The following CNNM2 variants were observed in gnomAD, a reference collection of about 807,000 sequenced individuals.
The protein encoded by CNNM2 is cyclin and CBS domain divalent metal cation transport mediator 2, also known as metal transporter CNNM2.
CNNM2 carries 12 observed loss-of-function variants against 66.9 expected under a neutral mutation model. That is an observed-to-expected ratio of 0.18 (90% CI 0.11 to 0.29). The LOEUF is 0.29. Ranked by LOEUF, CNNM2 falls within the 10% of genes least tolerant of loss-of-function variation. The probability of loss-of-function intolerance (pLI) is 1.00; values close to 1 mark genes in which losing one functional copy is unlikely to be tolerated. For synonymous variants in CNNM2, 557 were observed against 501.8 expected, an observed-to-expected ratio of 1.11 and a Z score of -1.47; for missense variants, 705 against 1,167.7, an observed-to-expected ratio of 0.60 and a Z score of 5.77.
rs1263016279 is a variant in CNNM2 at position 103,087,037 on chromosome 10, T to C, written c.*9857T>C. 6.6e-6 allele frequency: 1 copy of C among 151,454 alleles called. No homozygotes were observed. Among genetic ancestry groups the C allele is most frequent in the Non-Finnish European group, 1.5e-5 (1 of 67,952 alleles). The allele number at this position is 151,454 out of a possible 1,614,324, so 9.4% of individuals were successfully genotyped here. A position where few individuals can be genotyped will look rare whatever the true frequency, so the allele number is the denominator to read the frequency against. ...GTTCAGTCTAGCAACCAAGAAGGGG[T>C]TGCCTGGTGTTCTACAATGCCTATA... is the stretch of plus-strand genomic sequence containing the variant. On this transcript the variant is annotated 3_prime_UTR_variant, in exon 8 of 8. Transcript: ENST00000369878.
chr10:102,994,505 G>A (rs931077528), intron 1 of CNNM2, among the ~76,000 whole-genome samples: 6 of 152,320 alleles, frequency 3.9e-5, no homozygotes, highest in Middle Eastern at 3.4e-3. Flanking sequence ...AGGAACTTAC[G>A]TTCTAGAGGG....
At chr10:102,933,243 A>G (rs1288211724) in intron 1 of CNNM2, among the ~76,000 whole-genome samples, 1 of 152,228 alleles carries the variant, frequency 6.6e-6, no homozygotes. Flanking sequence ...TTAACAGTAC[A>G]AAGTCTTCCA....
chr10:103,012,957 G>A (rs149955716), intron 1 of CNNM2, among the ~76,000 whole-genome samples: 3 of 152,172 alleles, frequency 2.0e-5, no homozygotes, highest in African/African-American at 7.2e-5. Context: ...AGTACCATAT[G>A]AAATAAGTAA....
At chr10:102,969,885 C>T (rs977428806) in intron 1 of CNNM2, among the ~76,000 whole-genome samples, 10 of 149,190 alleles carry the variant, frequency 6.7e-5, no homozygotes, top group South Asian at 2.1e-4. Context: ...TCAGGTGATC[C>T]GCCCACCTCG....
intron 1 of CNNM2, among the ~76,000 whole-genome samples, chr10:103,049,388 A>G (rs2065180200): frequency 6.6e-6 from 1 of 152,204 alleles, no homozygotes. Context: ...ACCATGGACC[A>G]CACTTTGAGA....
At chr10:102,938,418 T>C (rs1273598600) in intron 1 of CNNM2, among the ~76,000 whole-genome samples, 1 of 150,558 alleles carries the variant, frequency 6.6e-6, no homozygotes, top group Non-Finnish European at 1.5e-5. Context: ...CACTCCAGCC[T>C]GGGTGACAGA....
At chr10:102,967,991 CAGTG>C (rs2063491371) in intron 1 of CNNM2, among the ~76,000 whole-genome samples, 1 of 152,194 alleles carries the variant, frequency 6.6e-6, no homozygotes, top group African/African-American at 2.4e-5. Context: ...CTGAGCGACA[CAGTG>C]AGACTCTGTC....
rs66498944 is a variant in CNNM2, at chr10:102,976,611, A to ATTT, written c.1621+56536_1621+56538dup. Reference sequence around the variant, plus strand: ...CAGGTGTGCGCCACACGCCCAGGTAATTTTTTTTTTTTTTTTTTTTTTTTT... The same window carrying ATTT: ...CAGGTGTGCGCCACACGCCCAGGTAATTTTTTTTTTTTTTTTTTTTTTTTTTTT... On this transcript the variant is annotated intron_variant, in intron 1 of 7. Coordinates refer to ENST00000369878, the MANE Select transcript of CNNM2 (RefSeq NM_017649.5). 0.028 allele frequency among the ~76,000 whole-genome samples: 1,643 copies of ATTT among 59,262 alleles called. 229 individuals are homozygous for ATTT. Among genetic ancestry groups the ATTT allele is most frequent in the African/African-American group, 0.092 (1,154 of 12,550 alleles). 38.9% of individuals were successfully genotyped at this position (59,262 alleles called of 152,430 possible).
At chr10:102,954,445 A>G (rs1590303167) in intron 1 of CNNM2, among the ~76,000 whole-genome samples, 1 of 152,176 alleles carries the variant, frequency 6.6e-6, no homozygotes, top group African/African-American at 2.4e-5. Flanking sequence ...CATATTTAAT[A>G]AAATTTTTAA....
Position 103,040,906 on chromosome 10 carries a change from A to C in CNNM2, c.1622-8801A>C, listed in dbSNP as rs370069961. On this transcript the variant is annotated intron_variant, in intron 1 of 7. Transcript: ENST00000369878. Reference sequence around the variant, plus strand: ...AAATACAAGACCCAGACCTGAACTAAGATTCCAGATATAGCTAAATACGGG... The same window carrying C: ...AAATACAAGACCCAGACCTGAACTACGATTCCAGATATAGCTAAATACGGG... 1.1e-4 allele frequency among the ~76,000 whole-genome samples: 17 copies of C among 152,296 alleles called. No individual in the cohort carries two copies. In the East Asian group the frequency reaches 2.9e-3, roughly 26 times the overall value.
chr10:103,062,978 G>C (rs74441776), intron 4 of CNNM2, among the ~76,000 whole-genome samples: 4 of 152,102 alleles, frequency 2.6e-5, no homozygotes, highest in African/African-American at 4.8e-5. Context: ...GAGATGCTGC[G>C]TTACCAGCAA....
Position 103,089,540 on chromosome 10 carries a change from A to C in CNNM2, c.*12360A>C. The C allele has an allele frequency of 7.1e-7, 1 of 1,412,532 alleles. No homozygotes were observed. The highest frequency in any genetic ancestry group is 9.3e-7 in the Non-Finnish European group (1 of 1,077,856). The allele number at this position is 1,412,532 out of a possible 1,614,324, so 87.5% of individuals were successfully genotyped here. On this transcript the variant is annotated 3_prime_UTR_variant, in exon 8 of 8. Transcript: ENST00000369878. Reference sequence around the variant, plus strand: ...AAGTATCTATGATAATAAAATCTTCAGAAACTTTTCAGACGTACCTTTCAT... The same window carrying C: ...AAGTATCTATGATAATAAAATCTTCCGAAACTTTTCAGACGTACCTTTCAT...
At chr10:102,968,650 A>G (rs1250663617) in intron 1 of CNNM2, among the ~76,000 whole-genome samples, 2 of 148,354 alleles carry the variant, frequency 1.3e-5, no homozygotes, top group Non-Finnish European at 3.0e-5. Flanking sequence ...GCTCTGCCTC[A>G]GGCTGGTCAG....
At chr10:103,071,484 T>G (rs2065580874) in intron 5 of CNNM2, among the ~76,000 whole-genome samples, 2 of 152,074 alleles carry the variant, frequency 1.3e-5, no homozygotes, top group South Asian at 2.1e-4. Flanking sequence ...CCCTTAAGAG[T>G]AGCAGGTTTC....
At position 103,056,403 on chromosome 10, in the gene CNNM2, C is replaced by G. The variant is rs925421817; in HGVS notation, c.1904-392C>G. 3.2e-4 allele frequency among the ~76,000 whole-genome samples: 48 copies of G among 152,270 alleles called. 1 individual carries two copies. The highest frequency in any genetic ancestry group is 1.6e-3 in the Admixed American group (24 of 15,304). Reference sequence around the variant, plus strand: ...CCTGTGTGTGTGCGCTGGCACTAACCGCACCTGATGCTCCTGACCTTGGCT... The same window carrying G: ...CCTGTGTGTGTGCGCTGGCACTAACGGCACCTGATGCTCCTGACCTTGGCT... On this transcript the variant is annotated intron_variant, in intron 3 of 7. Coordinates refer to ENST00000369878, the MANE Select transcript of CNNM2 (RefSeq NM_017649.5).
chr10:103,065,862 ATC>A (rs979330314), intron 4 of CNNM2, among the ~76,000 whole-genome samples: 7 of 152,170 alleles, frequency 4.6e-5, no homozygotes, highest in Non-Finnish European at 4.4e-5. Context: ...GTGTGTTGCT[ATC>A]TCTGAACCTT....
At chr10:102,960,271 C>T (rs2063359936) in intron 1 of CNNM2, among the ~76,000 whole-genome samples, 1 of 152,112 alleles carries the variant, frequency 6.6e-6, no homozygotes, top group Non-Finnish European at 1.5e-5. Flanking sequence ...CTGAGAATTT[C>T]ATTACCACTT....
intron 1 of CNNM2, among the ~76,000 whole-genome samples, chr10:102,966,692 ATATT>A (rs1160482953): frequency 2.6e-5 from 4 of 152,188 alleles, no homozygotes; most frequent in African/African-American, 9.7e-5. Flanking sequence ...GGTATTACAA[ATATT>A]TATTTAGTGC....
At chr10:102,978,865 C>T (rs990778618) in intron 1 of CNNM2, among the ~76,000 whole-genome samples, 1 of 152,142 alleles carries the variant, frequency 6.6e-6, no homozygotes, top group Non-Finnish European at 1.5e-5. Context: ...TAAATGGAAT[C>T]GTACAATATG....
Sources: gnomAD v4.1 joint callset for allele counts (sites outside exome capture counted in the v4.1 genomes callset) on GRCh38, gnomAD v4.1.1 for gene constraint, MANE v1.5 for transcripts, NCBI Gene and HGNC (gene_info 2026-07-23, HGNC 2026-07-21) for gene names.